ASTN2: variants seen among roughly 807,000 people sequenced by gnomAD.
ASTN2 encodes the protein astrotactin-2.
ASTN2 carries 54 observed loss-of-function variants against 139.8 expected under a neutral mutation model. The ratio of observed to expected loss-of-function variants is 0.39; its 90% CI spans 0.31 to 0.48. The LOEUF is 0.48. ASTN2 is among the 20% of genes least tolerant of loss of function. ASTN2 has a pLI of 0.95. For synonymous variants in ASTN2, 756 were observed against 719.5 expected (o/e 1.05, Z -0.81); for missense variants, 1,565 against 1,725.1 (o/e 0.91, Z 1.64).
At chr9:116,687,253 C>T (rs1264620363) in intron 16 of ASTN2, 2 of 993,330 alleles carry the variant, frequency 2.0e-6, no homozygotes, top group East Asian at 1.1e-4. Flanking sequence ...GCTGGGGAGG[C>T]GGGGCTCAGT....
intron 10 of ASTN2, among the ~76,000 whole-genome samples, chr9:116,934,451 G>A (rs1835006835): frequency 6.6e-6 from 1 of 152,200 alleles, no homozygotes; most frequent in African/African-American, 2.4e-5. Context: ...TAGGAGGCTA[G>A]TATACACCTA....
chr9:117,382,853 G>C (rs1358161469), intron 1 of ASTN2, among the ~76,000 whole-genome samples: 2 of 152,142 alleles, frequency 1.3e-5, no homozygotes, highest in African/African-American at 4.8e-5. Flanking sequence ...ACTAAAAATG[G>C]CCACGTGTGA....
chr9:116,958,694 T>G (rs1835791909), intron 10 of ASTN2, among the ~76,000 whole-genome samples: 1 of 151,922 alleles, frequency 6.6e-6, no homozygotes, highest in African/African-American at 2.4e-5. Context: ...TCACTGGAAA[T>G]TGGTGGGTAT....
intron 10 of ASTN2, among the ~76,000 whole-genome samples, chr9:116,952,564 C>A (rs543182256): frequency 1.3e-4 from 20 of 152,278 alleles, no homozygotes; most frequent in Middle Eastern, 3.4e-3. Flanking sequence ...GGCTGTGAGG[C>A]CTCAGGCTTT....
chr9:116,676,948 T>C (rs1859541857), intron 16 of ASTN2, among the ~76,000 whole-genome samples: 1 of 152,208 alleles, frequency 6.6e-6, no homozygotes, highest in Admixed American at 6.5e-5. Context: ...ACCATGTCTT[T>C]GAAGCACCTA....
At chr9:116,729,142 C>T (rs766506002) in intron 14 of ASTN2, 46 bp from the exon 15 acceptor site, 1 of 1,396,200 alleles carries the variant, frequency 7.2e-7, no homozygotes, top group South Asian at 1.2e-5. Flanking sequence ...AATTAAGACG[C>T]TTCACACCAC....
At chr9:117,172,483 A>G (rs1830817777) in intron 3 of ASTN2, among the ~76,000 whole-genome samples, 1 of 152,164 alleles carries the variant, frequency 6.6e-6, no homozygotes, top group Non-Finnish European at 1.5e-5. Context: ...CATATACTTT[A>G]TTGAGTGTTA....
At chr9:116,955,124 T>G (rs1835673894) in intron 10 of ASTN2, among the ~76,000 whole-genome samples, 1 of 152,232 alleles carries the variant, frequency 6.6e-6, no homozygotes, top group African/African-American at 2.4e-5. Flanking sequence ...TTTTCTCTGA[T>G]TAGCTTTGTG....
intron 10 of ASTN2, among the ~76,000 whole-genome samples, chr9:116,956,954 A>G (rs149071094): frequency 0.015 from 2,260 of 152,238 alleles, 23 homozygotes; most frequent in Non-Finnish European, 0.025. Flanking sequence ...AAGACATCCT[A>G]TGTTCTTGGG....
chr9:117,154,148 G>A (rs888056376), intron 3 of ASTN2, among the ~76,000 whole-genome samples: 1 of 151,974 alleles, frequency 6.6e-6, no homozygotes, highest in African/African-American at 2.4e-5. Flanking sequence ...CAAAATTAAT[G>A]CAGCCACATT....
intron 3 of ASTN2, among the ~76,000 whole-genome samples, chr9:117,195,737 A>T (rs2132978933): frequency 6.6e-6 from 1 of 152,272 alleles, no homozygotes; most frequent in Non-Finnish European, 1.5e-5. Context: ...TTTACATGAC[A>T]TTCACAGGGG....
At chr9:117,186,044 T>G (rs1409452678) in intron 3 of ASTN2, among the ~76,000 whole-genome samples, 2 of 152,092 alleles carry the variant, frequency 1.3e-5, no homozygotes, top group African/African-American at 4.8e-5. Flanking sequence ...AGACCTAGCT[T>G]CAAATCCTGG....
chr9:117,255,717 G>C (rs1041031557), intron 2 of ASTN2, among the ~76,000 whole-genome samples: 2 of 152,158 alleles, frequency 1.3e-5, no homozygotes, highest in African/African-American at 4.8e-5. Flanking sequence ...GACATATTTG[G>C]CTGGAACACA....
chr9:117,021,480 C>T (rs954803674), intron 6 of ASTN2, among the ~76,000 whole-genome samples: 3 of 152,070 alleles, frequency 2.0e-5, no homozygotes, highest in Non-Finnish European at 2.9e-5. Flanking sequence ...GCGCAGAGAC[C>T]CTATAAAAGA....
intron 13 of ASTN2, among the ~76,000 whole-genome samples, chr9:116,800,694 G>A (rs981653776): frequency 4.6e-5 from 7 of 152,132 alleles, no homozygotes; most frequent in African/African-American, 9.7e-5. Flanking sequence ...AAGAAACCAG[G>A]GAGCACTGGT....
chr9:117,269,388 T>G (rs559963068), intron 2 of ASTN2, among the ~76,000 whole-genome samples: 1 of 152,334 alleles, frequency 6.6e-6, no homozygotes, highest in Admixed American at 6.5e-5. Context: ...AGAGTGCATA[T>G]TTAATTACAC....
chr9:117,336,491 C>T (rs1314080075), intron 1 of ASTN2, among the ~76,000 whole-genome samples: 1 of 152,148 alleles, frequency 6.6e-6, no homozygotes, highest in African/African-American at 2.4e-5. Context: ...ATCTCTTGAT[C>T]CCCATCTCCT....
At chr9:116,487,808 T>C (rs1849387403) in intron 19 of ASTN2, among the ~76,000 whole-genome samples, 1 of 151,206 alleles carries the variant, frequency 6.6e-6, no homozygotes, top group South Asian at 2.1e-4. Flanking sequence ...AAGGATATTA[T>C]GCTTTTTTTT....
intron 16 of ASTN2, among the ~76,000 whole-genome samples, 155 bp downstream of exon 16, chr9:116,725,616 C>A (rs1828598370): frequency 6.6e-6 from 1 of 152,158 alleles, no homozygotes; most frequent in African/African-American, 2.4e-5. Flanking sequence ...CATGGTGAAA[C>A]TGAAGCTCAG....
Sources: gnomAD v4.1 joint callset for allele counts (sites outside exome capture counted in the v4.1 genomes callset) on GRCh38, gnomAD v4.1.1 for gene constraint, MANE v1.5 for transcripts, NCBI Gene and HGNC (gene_info 2026-07-23, HGNC 2026-07-21) for gene names.